Variants in UNC13A observed in about 807,000 individuals in gnomAD.
The protein encoded by UNC13A is unc-13 homolog A.
In UNC13A, 61 loss-of-function variants were observed where a neutral mutation model predicts 219.7. The ratio of observed to expected loss-of-function variants is 0.28; its 90% CI spans 0.23 to 0.34. The LOEUF (loss-of-function observed/expected upper bound fraction) is 0.34. Among genes scored for constraint, UNC13A ranks in the 10% least tolerant of loss-of-function variants. The pLI is 1.00. For synonymous variants in UNC13A, 920 were observed against 884.6 expected (o/e 1.04, Z -0.71); for missense variants, 1,476 against 2,270.3 (o/e 0.65, Z 7.11).
chr19:17,668,020 G>T, intron 6 of UNC13A, 97 bp downstream of exon 6: 1 of 1,267,722 alleles, frequency 7.9e-7, no homozygotes, highest in Non-Finnish European at 1.1e-6. Flanking sequence ...TGCAGGGAAA[G>T]ACAAGCTTAG....
chr19:17,633,060 A>G (rs889484605), intron 27 of UNC13A, 48 bp downstream of exon 27: 1 of 1,609,762 alleles, frequency 6.2e-7, no homozygotes, highest in African/African-American at 1.3e-5. Context: ...ACAGAGGTAC[A>G]GCCACCTGGT....
intron 12 of UNC13A, among the ~76,000 whole-genome samples, chr19:17,650,288 C>G (rs1211211644): frequency 6.6e-6 from 1 of 151,656 alleles, no homozygotes; most frequent in Non-Finnish European, 1.5e-5. Context: ...CCGAGGCGGG[C>G]GGATCACCTG....
chr19:17,672,843 C>T (rs1044436900), intron 3 of UNC13A, among the ~76,000 whole-genome samples: 9 of 152,100 alleles, frequency 5.9e-5, no homozygotes, highest in Admixed American at 5.2e-4. Flanking sequence ...GCTCAAATAC[C>T]CTCCATAGCT....
At chr19:17,647,222 G>A (rs900857726) in intron 17 of UNC13A, 43 bp downstream of exon 17, 6 of 1,518,948 alleles carry the variant, frequency 4.0e-6, no homozygotes, top group East Asian at 2.5e-5. Context: ...AGGTCTCAGA[G>A]GGTGGAGAAG....
At position 17,648,954 on chromosome 19, in the gene UNC13A, G is replaced by A. The variant is rs749713564; in HGVS notation, c.1554C>T (p.Ile518=). ...MSLVQSRKAG[I]TSALASSTLN... is the part of the protein sequence containing the mutation. Reference sequence around the variant, plus strand: ...ACGTGCTGGAGGCCAAGGCCGAGGTGATGCCCGCTTTCCTGGACTGGACCA... The same window carrying A: ...ACGTGCTGGAGGCCAAGGCCGAGGTAATGCCCGCTTTCCTGGACTGGACCA... The change falls in exon 15 of 44, where the codon ATC becomes ATT. Residue 518 remains isoleucine, a synonymous_variant. Transcript: ENST00000519716. The A allele has an allele frequency of 6.2e-7, 1 of 1,605,472 alleles. No individual in the cohort carries two copies. Among genetic ancestry groups the A allele is most frequent in the East Asian group, 2.2e-5 (1 of 44,620 alleles).
chr19:17,635,790 C>T (rs1282871946), intron 26 of UNC13A, among the ~76,000 whole-genome samples: 1 of 152,146 alleles, frequency 6.6e-6, no homozygotes, highest in Non-Finnish European at 1.5e-5. Flanking sequence ...CAAATGAATA[C>T]ATACAAAATA....
At chr19:17,634,735 C>A (rs2076894853) in intron 26 of UNC13A, among the ~76,000 whole-genome samples, 1 of 149,940 alleles carries the variant, frequency 6.7e-6, no homozygotes, top group African/African-American at 2.5e-5. Flanking sequence ...CGCTCTGTCA[C>A]CCCAGGCTGG....
intron 38 of UNC13A, among the ~76,000 whole-genome samples, chr19:17,619,831 G>T (rs2076709147): frequency 6.6e-6 from 1 of 152,184 alleles, no homozygotes; most frequent in South Asian, 2.1e-4. Flanking sequence ...TGGTGATGTG[G>T]TGATGGCTCT....
At chr19:17,651,407 G>T (rs543524566) in intron 12 of UNC13A, among the ~76,000 whole-genome samples, 2,065 of 152,120 alleles carry the variant, frequency 0.014, 12 homozygotes, top group Non-Finnish European at 0.018. Flanking sequence ...GTATATTTTA[G>T]TAGAGACGGG....
At chr19:17,625,050 AG>A in intron 34 of UNC13A, 98 bp from the exon 35 acceptor site, 1 of 1,523,830 alleles carries the variant, frequency 6.6e-7, no homozygotes, top group East Asian at 2.3e-5. Context: ...CAGATAGGAA[AG>A]AGGGCCCACA....
At chr19:17,615,156 C>T (rs144602273) in intron 41 of UNC13A, among the ~76,000 whole-genome samples, 53 of 152,310 alleles carry the variant, frequency 3.5e-4, no homozygotes, top group Non-Finnish European at 6.9e-4. Context: ...GAATGATGTA[C>T]CCCTCGTGGG....
intron 17 of UNC13A, 45 bp downstream of exon 17, chr19:17,647,220 G>A (rs1346600547): frequency 1.3e-6 from 2 of 1,516,284 alleles, no homozygotes; most frequent in Non-Finnish European, 1.8e-6. Flanking sequence ...ACAGGTCTCA[G>A]AGGGTGGAGA....
chr19:17,642,726 T>C (rs983508555), intron 20 of UNC13A, 119 bp downstream of exon 20: 2 of 801,426 alleles, frequency 2.5e-6, no homozygotes, highest in African/African-American at 1.7e-5. Context: ...GGGAATGGCA[T>C]GGCGGGCAGT....
intron 43 of UNC13A, among the ~76,000 whole-genome samples, chr19:17,607,709 A>G (rs1339040676): frequency 6.7e-6 from 1 of 150,222 alleles, no homozygotes; most frequent in Non-Finnish European, 1.5e-5. Flanking sequence ...CCAGCCTCCC[A>G]GGTAGCTGGG....
Position 17,657,995 on chromosome 19 carries a change from G to A in UNC13A, c.767+67C>T, listed in dbSNP as rs985504157. The A allele has an allele frequency of 9.1e-6, 14 of 1,532,592 alleles. No homozygotes were observed. The East Asian group carries it at 9.5e-5, about 10-fold the overall frequency. The allele number at this position is 1,532,592 out of a possible 1,614,324, so 94.9% of individuals were successfully genotyped here. ...TCCACCTCCAGCTCTGTCCAGCCCCGTACCCCTCTCTCCACTCCAGGAGAC... is the reference window on the plus strand; with the variant it reads ...TCCACCTCCAGCTCTGTCCAGCCCCATACCCCTCTCTCCACTCCAGGAGAC... On this transcript the variant is annotated intron_variant, in intron 9 of 43. Transcript: ENST00000519716.
chr19:17,683,429 C>T (rs2080054454), intron 1 of UNC13A, among the ~76,000 whole-genome samples: 1 of 151,946 alleles, frequency 6.6e-6, no homozygotes, highest in African/African-American at 2.4e-5. Flanking sequence ...GTCAGGAGTT[C>T]AAGACCAGCC....
chr19:17,606,056 A>AAGGCGCAGGCGCGGCACCGCCCTC lies in UNC13A; in HGVS notation c.5086_5109dup (p.Glu1696_Pro1703dup), dbSNP rs1341172604. 15 of 1,547,072 alleles carry AAGGCGCAGGCGCGGCACCGCCCTC rather than the reference A, an allele frequency of 9.7e-6. No individual in the cohort carries two copies. The highest frequency in any genetic ancestry group is 1.2e-5 in the Non-Finnish European group (14 of 1,152,732). ...TGCCGCTCGGCCGACCGCCCGCGCT[A>AAGGCGCAGGCGCGGCACCGCCCTC]AGGCGCAGGCGCGGCACCGCCCTCC... On this transcript the variant is annotated inframe_insertion, in exon 44 of 44. Coordinates refer to ENST00000519716, the MANE Select transcript of UNC13A (RefSeq NM_001080421.3).
At chr19:17,623,577 G>C (rs758845545) in intron 35 of UNC13A, 30 bp from the exon 36 acceptor site, 1 of 1,194,208 alleles carries the variant, frequency 8.4e-7, no homozygotes, top group Non-Finnish European at 1.1e-6. Context: ...CGGGGCGGTG[G>C]GGGAGGGGGG....
At chr19:17,665,124 C>T (rs192244572) in intron 7 of UNC13A, among the ~76,000 whole-genome samples, 19 of 151,600 alleles carry the variant, frequency 1.3e-4, no homozygotes, top group African/African-American at 2.9e-4. Flanking sequence ...CACTCAAATC[C>T]GGGAGGCAGA....
Sources: allele counts gnomAD v4.1 joint callset (sites outside exome capture counted in the v4.1 genomes callset), GRCh38; gene constraint gnomAD v4.1.1; transcripts MANE v1.5; gene names NCBI Gene and HGNC (gene_info 2026-07-23, HGNC 2026-07-21).